ZNF605: variants seen among roughly 807,000 people sequenced by gnomAD.
The protein encoded by ZNF605 is zinc finger protein 605.
Under a neutral mutation model 7.9 loss-of-function variants are expected in ZNF605, and 9 were observed. The observed-to-expected ratio is 1.14, with a 90% CI of 0.68 to 1.98. The LOEUF (loss-of-function observed/expected upper bound fraction) is 1.98. ZNF605 is among the 30% of genes most tolerant of loss of function. The pLI, the probability that ZNF605 is intolerant of heterozygous loss-of-function variation, is 0.00. For missense variants in ZNF605, 673 were observed against 762.4 expected (o/e 0.88, Z 1.38); for synonymous variants, 255 against 260.1 (o/e 0.98, Z 0.19).
Position 132,925,201 on chromosome 12 carries a change from C to G in ZNF605, c.*172G>C, listed in dbSNP as rs1429574679. 3 of 535,326 alleles carry G rather than the reference C, an allele frequency of 5.6e-6. No individual in the cohort carries two copies. The South Asian group carries it at 9.6e-5, about 17-fold the overall frequency. 33.2% of individuals were successfully genotyped at this position (535,326 alleles called of 1,614,324 possible). A position where few individuals can be genotyped will look rare whatever the true frequency, so the allele number is the denominator to read the frequency against. Reference sequence around the variant, plus strand: ...GAGATGACTTTTTTTACACTGTTTGCTTTTTAAAAACTTCTCTTTCTAAAT... The same window carrying G: ...GAGATGACTTTTTTTACACTGTTTGGTTTTTAAAAACTTCTCTTTCTAAAT... On this transcript the variant is annotated 3_prime_UTR_variant, in exon 5 of 5. Transcript: ENST00000360187.
rs575861214 is a variant in ZNF605 at position 132,924,608 on chromosome 12, T to G, written c.*765A>C. On this transcript the variant is annotated 3_prime_UTR_variant, in exon 5 of 5. Coordinates refer to ENST00000360187, the MANE Select transcript of ZNF605 (RefSeq NM_183238.4). ...GATTTATTGTTTCCCTTCCCTGAAC[T>G]GCAACCTAGGAACTGCCATGCGGGG... 1.2e-3 allele frequency: 185 copies of G among 152,410 alleles called. No individual in the cohort carries two copies. The highest frequency in any genetic ancestry group is 4.3e-3 in the African/African-American group (179 of 41,590). The allele number at this position is 152,410 out of a possible 1,614,324, so 9.4% of individuals were successfully genotyped here. A position where few individuals can be genotyped will look rare whatever the true frequency, so the allele number is the denominator to read the frequency against.
At chr12:132,939,987 G>A (rs920623937) in intron 3 of ZNF605, among the ~76,000 whole-genome samples, 7 of 152,024 alleles carry the variant, frequency 4.6e-5, no homozygotes, top group Non-Finnish European at 8.8e-5. Context: ...AAGAAACTCC[G>A]AACACAGCTG....
chr12:132,933,173 C>G lies in ZNF605; in HGVS notation c.16-18G>C, dbSNP rs1952323843. On this transcript the variant is annotated intron_variant, in intron 3 of 4. Coordinates refer to ENST00000360187, the MANE Select transcript of ZNF605 (RefSeq NM_183238.4). The surrounding 1 kb of genome is among the most constrained non-coding windows in gnomAD (Gnocchi z 4.4). ...AATGATATCTGGAAAAGCATAATCC[C>G]TGTTAAACCTGAAGTGGTTCTCATT... 1 of 1,591,732 alleles carries G rather than the reference C, an allele frequency of 6.3e-7. No individual in the cohort carries two copies. The highest frequency in any genetic ancestry group is 1.8e-5 in the Admixed American group (1 of 55,594).
At position 132,933,036 on chromosome 12, in the gene ZNF605, C is replaced by A. The variant is rs1476972457; in HGVS notation, c.135G>T (p.Leu45Phe). The change falls in exon 4 of 5, where the codon TTG becomes TTT. Residue 45 changes from leucine (L) to phenylalanine (F), a missense_variant and splice_region_variant. Leu to Phe is a conservative substitution (Grantham distance 22, BLOSUM62 0). Transcript: ENST00000360187. This position sits in a 1 kb window ranked among gnomAD's most constrained non-coding sequence, Gnocchi z 4.4. The part of the protein sequence containing the change: ...MLENYSNLVF[L>F]EVWLDNPKMW... ...TAAGTTACATAAGAATGTTCTTACC[C>A]AAGAAAACCAGATTGCTATAGTTCT... 7 of 1,585,054 alleles carry A rather than the reference C, an allele frequency of 4.4e-6. No homozygotes were observed. The Admixed American group carries it at 1.1e-4, about 24-fold the overall frequency.
chr12:132,949,566 C>T (rs1049537982), intron 1 of ZNF605, among the ~76,000 whole-genome samples: 17 of 152,164 alleles, frequency 1.1e-4, no homozygotes, highest in Admixed American at 1.1e-3. Context: ...GGCTGGTCCC[C>T]AACAGTATCT....
chr12:132,936,735 G>A (rs1177421784), intron 3 of ZNF605, among the ~76,000 whole-genome samples: 4 of 151,876 alleles, frequency 2.6e-5, no homozygotes, highest in Non-Finnish European at 5.9e-5. Context: ...ATGGATCACA[G>A]ACCTAAACAT....
chr12:132,951,401 C>T (rs1952564320), intron 1 of ZNF605, among the ~76,000 whole-genome samples: 1 of 147,062 alleles, frequency 6.8e-6, no homozygotes, highest in Non-Finnish European at 1.5e-5. Flanking sequence ...CAGATACGTA[C>T]ATCACACACA....
intron 1 of ZNF605, among the ~76,000 whole-genome samples, chr12:132,954,151 G>C (rs930953489): frequency 2.0e-5 from 3 of 151,354 alleles, no homozygotes; most frequent in Non-Finnish European, 4.4e-5. Flanking sequence ...AGGCCAGGCA[G>C]AGTTATCCCT....
At position 132,945,787 on chromosome 12, in the gene ZNF605, A is replaced by T; in HGVS notation, c.-152T>A. 1 of 1,120,646 alleles carries T rather than the reference A, an allele frequency of 8.9e-7. No individual in the cohort carries two copies. Among genetic ancestry groups the T allele is most frequent in the Non-Finnish European group, 1.4e-6 (1 of 738,470 alleles). 69.4% of individuals were successfully genotyped at this position (1,120,646 alleles called of 1,614,324 possible). ...TCTCACATGAATTGTCTTGTTCCAG[A>T]GGGCTATTGCCTGTGGATGCAGTGG... On this transcript the variant is annotated 5_prime_UTR_variant, in exon 3 of 5. Coordinates refer to ENST00000360187, the MANE Select transcript of ZNF605 (RefSeq NM_183238.4).
At chr12:132,938,279 C>T (rs1286525234) in intron 3 of ZNF605, among the ~76,000 whole-genome samples, 8 of 151,768 alleles carry the variant, frequency 5.3e-5, no homozygotes, top group East Asian at 1.9e-4. Flanking sequence ...TGTGCCAGGC[C>T]GATCCCATTT....
intron 4 of ZNF605, among the ~76,000 whole-genome samples, chr12:132,930,816 A>C (rs1267067509): frequency 6.6e-6 from 1 of 152,180 alleles, no homozygotes; most frequent in Non-Finnish European, 1.5e-5. Context: ...GACCTAAACA[A>C]CAATGGGAAT....
rs1952237466 is a variant in ZNF605, at chr12:132,925,450, A to T, written c.1849T>A (p.Tyr617Asn). 5 of 1,613,940 alleles carry T rather than the reference A, an allele frequency of 3.1e-6. No homozygotes were observed. The highest frequency in any genetic ancestry group is 4.2e-6 in the Non-Finnish European group (5 of 1,179,970). The change falls in exon 5 of 5, where the codon TAT becomes AAT. Residue 617 changes from tyrosine (Y) to asparagine (N), a missense_variant. By Grantham distance (143) the Tyr-to-Asn change is moderately radical. Coordinates refer to ENST00000360187, the MANE Select transcript of ZNF605 (RefSeq NM_183238.4). ...HQRIHTGDKY[Y>N]GCNECGTTFN... ...GTGGTCCCACACTCATTGCATCCATAGTATTTATCTCCTGTATGAATCCTC... is the reference window on the plus strand; with the variant it reads ...GTGGTCCCACACTCATTGCATCCATTGTATTTATCTCCTGTATGAATCCTC...
rs746347356 is a variant in ZNF605 at position 132,925,607 on chromosome 12, G to A, written c.1692C>T (p.Ser564=). The A allele has an allele frequency of 1.9e-5, 30 of 1,613,914 alleles. No individual in the cohort carries two copies. Among genetic ancestry groups the A allele is most frequent in the South Asian group, 1.5e-4 (14 of 91,082 alleles). ...NHTGEKTYGC[S]DCAKAFFEKA... Reference sequence around the variant, plus strand: ...TCTCAAAGAAAGCTTTTGCACAATCGCTGCATCCATAGGTTTTCTCTCCTG... The same window carrying A: ...TCTCAAAGAAAGCTTTTGCACAATCACTGCATCCATAGGTTTTCTCTCCTG... Residue 564 remains serine, a synonymous_variant, in exon 5 of 5, where the codon AGC becomes AGT. Transcript: ENST00000360187.
In ZNF605 at chr12:132,938,834, C is replaced by T. The variant is rs867057792; in HGVS notation, c.16-5679G>A. On this transcript the variant is annotated intron_variant, in intron 3 of 4. Coordinates refer to ENST00000360187, the MANE Select transcript of ZNF605 (RefSeq NM_183238.4). ...TCCGGGTGGGCGTGGGCTTGGTGGGCGCCGCACTCGGAGCAGCCAGCCAGC... is the reference window on the plus strand; with the variant it reads ...TCCGGGTGGGCGTGGGCTTGGTGGGTGCCGCACTCGGAGCAGCCAGCCAGC... 5.6e-3 allele frequency among the ~76,000 whole-genome samples: 858 copies of T among 152,100 alleles called. 9 individuals are homozygous for T. The highest frequency in any genetic ancestry group is 0.019 in the African/African-American group (790 of 41,508).
At chr12:132,937,499 A>G (rs888198676) in intron 3 of ZNF605, among the ~76,000 whole-genome samples, 14 of 152,006 alleles carry the variant, frequency 9.2e-5, no homozygotes, top group Admixed American at 3.3e-4. Flanking sequence ...GGCTAAAACT[A>G]AACACACACA....
At chr12:132,948,805 G>A (rs1952523756) in intron 1 of ZNF605, among the ~76,000 whole-genome samples, 1 of 152,266 alleles carries the variant, frequency 6.6e-6, no homozygotes, top group African/African-American at 2.4e-5. Context: ...CTGAGGATTG[G>A]AGAATTAGAC....
At position 132,921,339 on chromosome 12, in the gene ZNF605, T is replaced by C. The variant is rs1015322032; in HGVS notation, c.*4034A>G. On this transcript the variant is annotated 3_prime_UTR_variant, in exon 5 of 5. Transcript: ENST00000360187. ...GAAATAGTGATGAGATTTTATATTG[T>C]CTACTTCTAAGCGGCAGACAGTCAT... 6.6e-6 allele frequency: 1 copy of C among 152,218 alleles called. No individual in the cohort carries two copies. The highest frequency in any genetic ancestry group is 2.4e-5 in the African/African-American group (1 of 41,442). 9.4% of individuals were successfully genotyped at this position (152,218 alleles called of 1,614,324 possible). A position where few individuals can be genotyped will look rare whatever the true frequency, so the allele number is the denominator to read the frequency against.
Position 132,933,519 on chromosome 12 carries a change from G to A in ZNF605, c.16-364C>T, listed in dbSNP as rs1023701158. Among the ~76,000 whole-genome samples, 7 of 152,218 alleles carry A rather than the reference G, an allele frequency of 4.6e-5. No homozygotes were observed. The highest frequency in any genetic ancestry group is 2.0e-4 in the Admixed American group (3 of 15,282). ...CCAACAGCCACTGAGTGAGCCTGGAGGAGCCAGCTCCTTCCTCGCTGCAGC... is the reference window on the plus strand; with the variant it reads ...CCAACAGCCACTGAGTGAGCCTGGAAGAGCCAGCTCCTTCCTCGCTGCAGC... On this transcript the variant is annotated intron_variant, in intron 3 of 4. Transcript: ENST00000360187. This position sits in a 1 kb window ranked among gnomAD's most constrained non-coding sequence, Gnocchi z 4.4.
Position 132,948,156 on chromosome 12 carries a change from T to A in ZNF605, c.-171A>T, listed in dbSNP as rs1952513558. 6.6e-6 allele frequency: 1 copy of A among 152,170 alleles called. No homozygotes were observed. The highest frequency in any genetic ancestry group is 2.1e-4 in the South Asian group (1 of 4,828). The allele number at this position is 152,170 out of a possible 1,614,324, so 9.4% of individuals were successfully genotyped here. On this transcript the variant is annotated 5_prime_UTR_variant, in exon 2 of 5. The change abolishes an upstream ATG in the 5' untranslated region. Transcript: ENST00000360187. ...TACACACGAATGCTCACACTTTACA[T>A]TTCTTCACTGCCCATGGACCAGGCC... is the stretch of plus-strand genomic sequence containing the variant.
Sources: allele counts gnomAD v4.1 joint callset (sites outside exome capture counted in the v4.1 genomes callset), GRCh38; gene constraint gnomAD v4.1.1; non-coding constraint Gnocchi (gnomAD v3.1); transcripts MANE v1.5; gene names NCBI Gene and HGNC (gene_info 2026-07-23, HGNC 2026-07-21).